Variants in ZNF618 observed in about 807,000 individuals in gnomAD.
ZNF618 encodes the protein zinc finger protein 618.
A neutral mutation model predicts 103.0 loss-of-function variants in ZNF618; 34 were observed. The observed-to-expected ratio is 0.33, with a 90% CI of 0.25 to 0.44. The LOEUF (loss-of-function observed/expected upper bound fraction) is 0.44. Among genes scored for constraint, ZNF618 ranks in the 20% least tolerant of loss-of-function variants. ZNF618 has a pLI of 1.00. For synonymous variants in ZNF618, 551 were observed against 542.2 expected (o/e 1.02, Z -0.23); for missense variants, 1,059 against 1,295.4 (o/e 0.82, Z 2.80).
At chr9:114,003,166 G>T (rs997128310) in intron 6 of ZNF618, among the ~76,000 whole-genome samples, 1 of 152,208 alleles carries the variant, frequency 6.6e-6, no homozygotes, top group African/African-American at 2.4e-5. Flanking sequence ...TTGGTGATTT[G>T]CCCTGAGGTG....
chr9:114,048,836 A>T lies in ZNF618; in HGVS notation c.1534A>T (p.Thr512Ser). ...TGCCCGCTATGGGGCCTTCTCGGTC[A>T]CTGAAATCCTGGGCAACTTCAACAC... Reference protein sequence around the residue: ...SGARYGAFSVTEILGNFNTLA... With the variant: ...SGARYGAFSVSEILGNFNTLA... Residue 512 changes from threonine (T) to serine (S), a missense_variant, in exon 15 of 15, where the codon ACT (threonine) becomes TCT (serine). This residue lies in a region of ZNF618 where 434 missense variants were observed against 476.0 expected (regional missense o/e 0.91). Transcript: ENST00000374126. 1 of 1,611,538 alleles carries T rather than the reference A, an allele frequency of 6.2e-7. No individual in the cohort carries two copies. The highest frequency in any genetic ancestry group is 8.5e-7 in the Non-Finnish European group (1 of 1,178,738).
At chr9:113,996,621 C>T (rs954432144) in intron 3 of ZNF618, among the ~76,000 whole-genome samples, 36 of 152,200 alleles carry the variant, frequency 2.4e-4, no homozygotes, top group Non-Finnish European at 3.8e-4. Context: ...GCTGTGAACT[C>T]GGATTAGTTG....
chr9:113,920,941 GGGTAGCCCATTTCACAAGT>G (rs1400941123), intron 1 of ZNF618, among the ~76,000 whole-genome samples: 1 of 152,186 alleles, frequency 6.6e-6, no homozygotes, highest in Non-Finnish European at 1.5e-5. Context: ...AGTGCTACCT[GGGTAGCCCATTTCACAAGT>G]GGAAGTCAGT....
chr9:114,007,996 TTC>T (rs1431326296), intron 7 of ZNF618, among the ~76,000 whole-genome samples: 2 of 152,276 alleles, frequency 1.3e-5, no homozygotes, highest in East Asian at 3.9e-4. Flanking sequence ...CACCTCGTCT[TTC>T]TCTCTCCTCC....
chr9:113,973,501 T>G (rs747974274), intron 2 of ZNF618, among the ~76,000 whole-genome samples: 9 of 152,176 alleles, frequency 5.9e-5, no homozygotes, highest in Non-Finnish European at 1.0e-4. Context: ...GTGTTTCTGA[T>G]CTTAAGAAAC....
At chr9:113,949,646 C>T (rs1476616017) in intron 1 of ZNF618, among the ~76,000 whole-genome samples, 1 of 152,238 alleles carries the variant, frequency 6.6e-6, no homozygotes. Flanking sequence ...TCTCTCCCCT[C>T]CCGGACTGAA....
chr9:114,029,634 TAA>T (rs112269873), intron 11 of ZNF618, among the ~76,000 whole-genome samples: 1 of 149,414 alleles, frequency 6.7e-6, no homozygotes, highest in African/African-American at 2.5e-5. Context: ...AAACTTAATT[TAA>T]AAAAAAAAGT....
At chr9:113,939,234 T>C (rs1476702739) in intron 1 of ZNF618, among the ~76,000 whole-genome samples, 1 of 152,176 alleles carries the variant, frequency 6.6e-6, no homozygotes, top group Admixed American at 6.5e-5. Context: ...ATACCCCTTA[T>C]GGAGATGTAA....
chr9:113,914,589 C>A (rs1345891554), intron 1 of ZNF618, among the ~76,000 whole-genome samples: 1 of 152,200 alleles, frequency 6.6e-6, no homozygotes, highest in Non-Finnish European at 1.5e-5. Context: ...TAAAGAAGAT[C>A]TTCAGGGGAA....
intron 3 of ZNF618, among the ~76,000 whole-genome samples, 156 bp from the exon 4 acceptor site, chr9:113,998,103 T>C (rs1840802071): frequency 6.6e-6 from 1 of 152,218 alleles, no homozygotes; most frequent in African/African-American, 2.4e-5. Context: ...CTGGGGAACA[T>C]GTGGATGCCC....
chr9:113,886,885 A>G (rs1041656194), intron 1 of ZNF618, among the ~76,000 whole-genome samples: 1 of 151,874 alleles, frequency 6.6e-6, no homozygotes, highest in Non-Finnish European at 1.5e-5. Context: ...ATTTGAAAAT[A>G]CTACAGGTTG....
At chr9:114,013,979 C>T (rs1463064883) in intron 9 of ZNF618, among the ~76,000 whole-genome samples, 1 of 152,186 alleles carries the variant, frequency 6.6e-6, no homozygotes, top group Non-Finnish European at 1.5e-5. Flanking sequence ...TTTAAACTAT[C>T]TTTCTCCATG....
intron 1 of ZNF618, among the ~76,000 whole-genome samples, chr9:113,927,602 G>T (rs1479498230): frequency 6.6e-6 from 1 of 152,184 alleles, no homozygotes; most frequent in African/African-American, 2.4e-5. Context: ...AGACAGGAAG[G>T]CTAGAGGAGT....
intron 1 of ZNF618, among the ~76,000 whole-genome samples, chr9:113,895,042 G>A (rs922052901): frequency 5.9e-5 from 9 of 151,986 alleles, no homozygotes; most frequent in Non-Finnish European, 7.4e-5. Flanking sequence ...GGATTCTAGC[G>A]TTTTGTAATC....
chr9:113,981,063 A>G (rs1218318745), intron 2 of ZNF618, among the ~76,000 whole-genome samples: 1 of 152,178 alleles, frequency 6.6e-6, no homozygotes, highest in East Asian at 1.9e-4. Context: ...TCCTGTCTGG[A>G]TGTGTGTTAA....
At chr9:113,954,578 G>T (rs1410316275) in intron 1 of ZNF618, among the ~76,000 whole-genome samples, 2 of 152,176 alleles carry the variant, frequency 1.3e-5, no homozygotes, top group Non-Finnish European at 2.9e-5. Flanking sequence ...GAGTCCAAAT[G>T]GGGGACTGGA....
chr9:114,028,457 C>CAGTCA, intron 10 of ZNF618: 1 of 472,522 alleles, frequency 2.1e-6, no homozygotes, highest in African/African-American at 1.9e-5. Context: ...CCCTAAGAGC[C>CAGTCA]AGTCAGTCCA....
In ZNF618 at chr9:114,052,571, A is replaced by G. The variant is rs950014700; in HGVS notation, c.*2404A>G. On this transcript the variant is annotated 3_prime_UTR_variant, in exon 15 of 15. Coordinates refer to ENST00000374126, the MANE Select transcript of ZNF618 (RefSeq NM_001318042.2). ...CTGGAAGGTGGCCTCAGCATCACTG[A>G]TGATTGACAGATGCTACAGCAAAAG... 1 of 152,218 alleles carries G rather than the reference A, an allele frequency of 6.6e-6. No individual in the cohort carries two copies. The highest frequency in any genetic ancestry group is 1.5e-5 in the Non-Finnish European group (1 of 68,050). 9.4% of individuals were successfully genotyped at this position (152,218 alleles called of 1,614,324 possible).
intron 1 of ZNF618, among the ~76,000 whole-genome samples, chr9:113,934,433 C>T (rs532273611): frequency 7.4e-4 from 113 of 152,216 alleles, no homozygotes; most frequent in African/African-American, 1.7e-3. Context: ...GACAATTACA[C>T]GAACCTCCTC....
Sources: allele counts gnomAD v4.1 joint callset (sites outside exome capture counted in the v4.1 genomes callset), GRCh38; gene constraint gnomAD v4.1.1; regional missense constraint gnomAD v4.1.1; transcripts MANE v1.5; gene names NCBI Gene and HGNC (gene_info 2026-07-23, HGNC 2026-07-21).